Variants in PHLDB1 observed in about 807,000 individuals in gnomAD.
The protein encoded by PHLDB1 is pleckstrin homology-like domain family B member 1.
Under a neutral mutation model 139.3 loss-of-function variants are expected in PHLDB1, and 65 were observed. That is an observed-to-expected ratio of 0.47 (90% confidence interval 0.38 to 0.57). The LOEUF (loss-of-function observed/expected upper bound fraction) is 0.57. Ranked by LOEUF, PHLDB1 falls within the 20% of genes least tolerant of loss-of-function variation. The pLI is 0.00. For missense variants in PHLDB1, 1,624 were observed against 1,839.7 expected, an observed-to-expected ratio of 0.88 and a Z score of 2.14; for synonymous variants, 679 against 734.5, an observed-to-expected ratio of 0.92 and a Z score of 1.22.
chr11:118,609,446 G>A (rs1555081828), intron 1 of PHLDB1, among the ~76,000 whole-genome samples: 5 of 132,208 alleles, frequency 3.8e-5, no homozygotes, highest in African/African-American at 1.5e-4. Context: ...CACACACGCA[G>A]CCCGTCACAC....
rs1947338231 is a variant in PHLDB1, at chr11:118,645,537, T to G, written c.3303T>G (p.Arg1101=). The change falls in exon 16 of 23, where the codon CGT becomes CGG. Residue 1101 remains arginine, a synonymous_variant. Coordinates refer to ENST00000600882, the MANE Select transcript of PHLDB1 (RefSeq NM_001144758.3). The surrounding 1 kb of genome is among the most constrained non-coding windows in gnomAD (Gnocchi z 5.1). ...ACCACCTGCCTGCGGGGCGGGAGCGTGGGGAGGAGGGTGAGCACGCCTATG... is the reference window on the plus strand; with the variant it reads ...ACCACCTGCCTGCGGGGCGGGAGCGGGGGGAGGAGGGTGAGCACGCCTATG... ...ILHHLPAGRE[R]GEEGEHAYDT... 2 of 1,612,980 alleles carry G rather than the reference T, an allele frequency of 1.2e-6. No individual in the cohort carries two copies. Among genetic ancestry groups the G allele is most frequent in the Non-Finnish European group, 1.7e-6 (2 of 1,179,566 alleles).
At position 118,628,535 on chromosome 11, in the gene PHLDB1, T is replaced by A. The variant is rs782638330; in HGVS notation, c.1712T>A (p.Val571Asp). ...TCCAGCGGGGACTTGCGGGTGCCTG[T>A]CACAAGGGAGCGGAAAAATAGCATC... is the stretch of plus-strand genomic sequence containing the variant. ...KLSSGDLRVPVTRERKNSITE... is the reference protein window; with the variant it reads ...KLSSGDLRVPDTRERKNSITE... Residue 571 changes from valine (V) to aspartate (D), a missense_variant, in exon 6 of 23, where the codon GTC (valine) becomes GAC (aspartate). By Grantham distance (152) the Val-to-Asp change is radical (BLOSUM62 -3). Coordinates refer to ENST00000600882, the MANE Select transcript of PHLDB1 (RefSeq NM_001144758.3). 1.9e-6 allele frequency: 3 copies of A among 1,613,176 alleles called. No homozygotes were observed. The highest frequency in any genetic ancestry group is 2.5e-6 in the Non-Finnish European group (3 of 1,180,022).
intron 5 of PHLDB1, among the ~76,000 whole-genome samples, chr11:118,626,531 A>G (rs1425200112): frequency 3.9e-5 from 6 of 151,950 alleles, no homozygotes; most frequent in African/African-American, 1.5e-4. Flanking sequence ...CTACAGGTGC[A>G]TGCCACCACA....
At chr11:118,655,136 A>G (rs1452973361) in intron 20 of PHLDB1, 1 of 157,686 alleles carries the variant, frequency 6.3e-6, no homozygotes, top group Admixed American at 6.0e-5. Context: ...GACTGCAGAC[A>G]ATACTATACT....
chr11:118,627,338 C>A lies in PHLDB1; in HGVS notation c.515C>A (p.Thr172Asn). ...ESESLVNGNH[T>N]PQTATRGPSA... Reference sequence around the variant, plus strand: ...GAAAGTCTGGTAAATGGGAACCACACCCCACAGACTGCAACACGGGGACCC... The same window carrying A: ...GAAAGTCTGGTAAATGGGAACCACAACCCACAGACTGCAACACGGGGACCC... The change falls in exon 6 of 23, where the codon ACC becomes AAC. Residue 172 changes from threonine (T) to asparagine (N), a missense_variant. Coordinates refer to ENST00000600882, the MANE Select transcript of PHLDB1 (RefSeq NM_001144758.3). The A allele has an allele frequency of 1.2e-6, 2 of 1,614,072 alleles. No individual in the cohort carries two copies. Among genetic ancestry groups the A allele is most frequent in the Admixed American group, 1.7e-5 (1 of 60,014 alleles).
intron 12 of PHLDB1, chr11:118,641,952 G>T: frequency 1.9e-6 from 1 of 537,490 alleles, no homozygotes; most frequent in South Asian, 2.0e-5. Flanking sequence ...GCACATGTCT[G>T]TGGTCTGGAA....
At chr11:118,614,399 A>G (rs1374604828) in intron 2 of PHLDB1, among the ~76,000 whole-genome samples, 160 bp from the exon 3 acceptor site, 3 of 151,910 alleles carry the variant, frequency 2.0e-5, no homozygotes, top group Non-Finnish European at 2.9e-5. Flanking sequence ...ATTACAATTT[A>G]GTGGAATCAT....
intron 18 of PHLDB1, among the ~76,000 whole-genome samples, chr11:118,649,326 G>A (rs559120546): frequency 6.6e-6 from 1 of 151,780 alleles, no homozygotes; most frequent in Non-Finnish European, 1.5e-5. Context: ...TTTTACCCCC[G>A]TGGTTGGAAT....
rs200859767 is a variant in PHLDB1 at position 118,627,433 on chromosome 11, C to T, written c.610C>T (p.Leu204=). ...GGACCTGCAAGAGATCATGGACTCACTGGTGCTAGAGGAGCCTGGAGCTGC... is the reference window on the plus strand; with the variant it reads ...GGACCTGCAAGAGATCATGGACTCATTGGTGCTAGAGGAGCCTGGAGCTGC... ...EKDLQEIMDS[L]VLEEPGAAGK... is the part of the protein sequence containing the mutation. Residue 204 remains leucine, a synonymous_variant, in exon 6 of 23, where the codon CTG becomes TTG. Coordinates refer to ENST00000600882, the MANE Select transcript of PHLDB1 (RefSeq NM_001144758.3). 6.1e-5 allele frequency: 99 copies of T among 1,614,236 alleles called. No individual in the cohort carries two copies. The East Asian group carries it at 2.2e-3, about 35-fold the overall frequency.
intron 7 of PHLDB1, 46 bp from the exon 8 acceptor site, chr11:118,631,863 ATTCC>A: frequency 6.5e-7 from 1 of 1,545,988 alleles, no homozygotes; most frequent in South Asian, 1.3e-5. Flanking sequence ...TCTTAGTCTG[ATTCC>A]AAAAGGCTCT....
At position 118,608,778 on chromosome 11, in the gene PHLDB1, C is replaced by T. The variant is rs1555081034; in HGVS notation, c.-22+1079C>T. Among the ~76,000 whole-genome samples, 1 of 152,150 alleles carries T rather than the reference C, an allele frequency of 6.6e-6. No individual in the cohort carries two copies. The highest frequency in any genetic ancestry group is 1.5e-5 in the Non-Finnish European group (1 of 68,018). On this transcript the variant is annotated intron_variant, in intron 1 of 22. Coordinates refer to ENST00000600882, the MANE Select transcript of PHLDB1 (RefSeq NM_001144758.3). The surrounding 1 kb of genome is among the most constrained non-coding windows in gnomAD (Gnocchi z 6.7). ...GACACACCCGGACCCGCCCACACGCCGAGGCCTTCCCACGCACTCCATGCC... is the reference window on the plus strand; with the variant it reads ...GACACACCCGGACCCGCCCACACGCTGAGGCCTTCCCACGCACTCCATGCC...
chr11:118,650,272 T>G lies in PHLDB1; in HGVS notation c.3771+79T>G, dbSNP rs1477849714. The G allele has an allele frequency of 6.9e-6, 8 of 1,152,908 alleles. No individual in the cohort carries two copies. In the African/African-American group the frequency reaches 1.2e-4, roughly 17 times the overall value. 71.4% of individuals were successfully genotyped at this position (1,152,908 alleles called of 1,614,324 possible). ...AGAGGCACCTCCTGGGTCGTTGGAATAGTGGCGTCAGTCTCTACCCTCACC... is the reference window on the plus strand; with the variant it reads ...AGAGGCACCTCCTGGGTCGTTGGAAGAGTGGCGTCAGTCTCTACCCTCACC... On this transcript the variant is annotated intron_variant, in intron 19 of 22. Coordinates refer to ENST00000600882, the MANE Select transcript of PHLDB1 (RefSeq NM_001144758.3). The surrounding 1 kb of genome is among the most constrained non-coding windows in gnomAD (Gnocchi z 4.7).
At position 118,650,287 on chromosome 11, in the gene PHLDB1, C is replaced by T; in HGVS notation, c.3771+94C>T. 1 of 1,039,696 alleles carries T rather than the reference C, an allele frequency of 9.6e-7. No homozygotes were observed. Among genetic ancestry groups the T allele is most frequent in the South Asian group, 1.3e-5 (1 of 77,766 alleles). 64.4% of individuals were successfully genotyped at this position (1,039,696 alleles called of 1,614,324 possible). ...GTCGTTGGAATAGTGGCGTCAGTCT[C>T]TACCCTCACCTAACCAGATCTCTGT... On this transcript the variant is annotated intron_variant, in intron 19 of 22. Transcript: ENST00000600882. This position sits in a 1 kb window ranked among gnomAD's most constrained non-coding sequence, Gnocchi z 4.7.
At chr11:118,644,006 C>T (rs1236786095) in intron 14 of PHLDB1, 66 bp downstream of exon 14, 1 of 1,602,860 alleles carries the variant, frequency 6.2e-7, no homozygotes, top group Non-Finnish European at 8.5e-7. Context: ...TGGGGAGAGG[C>T]CAAGACCTTG....
rs782602665 is a variant in PHLDB1 at position 118,628,656 on chromosome 11, C to T, written c.1827+6C>T. On this transcript the variant is annotated splice_donor_region_variant and intron_variant, in intron 6 of 22. Coordinates refer to ENST00000600882, the MANE Select transcript of PHLDB1 (RefSeq NM_001144758.3). Reference sequence around the variant, plus strand: ...AGCAGGAGATGGAGAGGCTGGTGAGCGGGTGCCAGGGAGGCTTGCCACTGT... The same window carrying T: ...AGCAGGAGATGGAGAGGCTGGTGAGTGGGTGCCAGGGAGGCTTGCCACTGT... 24 of 1,603,702 alleles carry T rather than the reference C, an allele frequency of 1.5e-5. No homozygotes were observed. The highest frequency in any genetic ancestry group is 1.1e-4 in the East Asian group (5 of 44,488).
chr11:118,629,337 T>C (rs968901673), intron 6 of PHLDB1, among the ~76,000 whole-genome samples: 1 of 152,304 alleles, frequency 6.6e-6, no homozygotes, highest in African/African-American at 2.4e-5. Flanking sequence ...CGTGGGTGCA[T>C]GCAGGGGCTG....
At position 118,655,590 on chromosome 11, in the gene PHLDB1, T is replaced by G. The variant is rs782294715; in HGVS notation, c.3875-15T>G. On this transcript the variant is annotated splice_polypyrimidine_tract_variant and intron_variant, in intron 20 of 22. Transcript: ENST00000600882. ...GTGTGACCGGCTCCATAGCCCACCCTTACTTGCTTTGCAGACAAGCATGAG... is the reference window on the plus strand; with the variant it reads ...GTGTGACCGGCTCCATAGCCCACCCGTACTTGCTTTGCAGACAAGCATGAG... 5 of 1,582,320 alleles carry G rather than the reference T, an allele frequency of 3.2e-6. No individual in the cohort carries two copies. In the South Asian group the frequency reaches 5.5e-5, roughly 18 times the overall value.
In PHLDB1 at chr11:118,655,874, C is replaced by T. The variant is rs1555141461; in HGVS notation, c.3975C>T (p.Arg1325=). 6.2e-7 allele frequency: 1 copy of T among 1,612,582 alleles called. No homozygotes were observed. The highest frequency in any genetic ancestry group is 1.1e-5 in the South Asian group (1 of 91,056). Residue 1325 remains arginine, a synonymous_variant, in exon 22 of 23, where the codon CGC becomes CGT. Transcript: ENST00000600882. ...CCCCTTCCCAGAAGAGGTTTTTCCGCTTCACTATGGTGACTGAGGTACCCC... is the reference window on the plus strand; with the variant it reads ...CCCCTTCCCAGAAGAGGTTTTTCCGTTTCACTATGGTGACTGAGGTACCCC... ...LRSAAKKRFF[R]FTMVTESPNP...
Position 118,647,977 on chromosome 11 carries a change from G to C in PHLDB1, c.3555G>C (p.Arg1185=). 1 of 1,597,486 alleles carries C rather than the reference G, an allele frequency of 6.3e-7. No individual in the cohort carries two copies. The highest frequency in any genetic ancestry group is 8.5e-7 in the Non-Finnish European group (1 of 1,172,162). Residue 1185 remains arginine (R), a synonymous_variant, in exon 18 of 23, where the codon CGG becomes CGC. Coordinates refer to ENST00000600882, the MANE Select transcript of PHLDB1 (RefSeq NM_001144758.3). The part of the protein sequence containing the change: ...LRRQALEEER[R]RREQVERRLQ... ...GGCAGGCCCTGGAGGAGGAGCGGCG[G>C]AGGCGTGAGCAGGTAGAACGGAGGC... is the stretch of plus-strand genomic sequence containing the variant.
Sources: allele counts gnomAD v4.1 joint callset (sites outside exome capture counted in the v4.1 genomes callset), GRCh38; gene constraint gnomAD v4.1.1; non-coding constraint Gnocchi (gnomAD v3.1); transcripts MANE v1.5; gene names NCBI Gene and HGNC (gene_info 2026-07-23, HGNC 2026-07-21).